ADAM12: variants seen among roughly 807,000 people sequenced by gnomAD.
ADAM12 encodes the protein disintegrin and metalloproteinase domain-containing protein 12.
ADAM12 carries 70 observed loss-of-function variants against 106.4 expected under a neutral mutation model. That is an observed-to-expected ratio of 0.66 (90% confidence interval 0.54 to 0.80). The LOEUF is 0.80. ADAM12 is among the 30% of genes least tolerant of loss of function. The pLI, the probability that ADAM12 is intolerant of heterozygous loss-of-function variation, is 0.00. For missense variants in ADAM12, 1,010 were observed against 1,171.9 expected, an observed-to-expected ratio of 0.86 and a Z score of 2.02; for synonymous variants, 420 against 433.5, an observed-to-expected ratio of 0.97 and a Z score of 0.39.
chr10:126,358,845 C>T (rs1228158165), intron 1 of ADAM12, among the ~76,000 whole-genome samples: 1 of 152,028 alleles, frequency 6.6e-6, no homozygotes, highest in Non-Finnish European at 1.5e-5. Context: ...TTTCTATATA[C>T]TAAAAAGAGA....
chr10:126,331,833 C>A (rs1854521321), intron 1 of ADAM12, among the ~76,000 whole-genome samples: 1 of 152,144 alleles, frequency 6.6e-6, no homozygotes, highest in Admixed American at 6.5e-5. Flanking sequence ...TCTGGCAGAG[C>A]AAGTGGAGGT....
intron 1 of ADAM12, among the ~76,000 whole-genome samples, chr10:126,373,703 G>A (rs1468398291): frequency 6.6e-6 from 1 of 152,206 alleles, no homozygotes; most frequent in East Asian, 1.9e-4. Context: ...AGTGGACTGA[G>A]TTGACACAGC....
At chr10:126,126,933 C>T (rs1956216038) in intron 5 of ADAM12, among the ~76,000 whole-genome samples, 2 of 152,086 alleles carry the variant, frequency 1.3e-5, no homozygotes, top group East Asian at 1.9e-4. Context: ...TAGATTGAGA[C>T]ATCCTGAGTT....
At chr10:126,238,462 G>C (rs1958462645) in intron 3 of ADAM12, among the ~76,000 whole-genome samples, 1 of 152,072 alleles carries the variant, frequency 6.6e-6, no homozygotes, top group South Asian at 2.1e-4. Flanking sequence ...TGGGAGATAA[G>C]AGCAAAACTC....
intron 1 of ADAM12, 123 bp downstream of exon 1, chr10:126,387,935 G>A: frequency 8.8e-7 from 1 of 1,140,496 alleles, no homozygotes; most frequent in Non-Finnish European, 1.1e-6. Flanking sequence ...CAAGCCCCGG[G>A]GCTCCGGAGA....
intron 3 of ADAM12, among the ~76,000 whole-genome samples, chr10:126,273,817 A>G (rs933755072): frequency 2.6e-5 from 4 of 152,212 alleles, no homozygotes; most frequent in African/African-American, 9.6e-5. Context: ...CTGATCATCA[A>G]AATTAACATG....
At chr10:126,135,511 C>G in intron 5 of ADAM12, 73 bp downstream of exon 5, 2 of 1,437,926 alleles carry the variant, frequency 1.4e-6, no homozygotes, top group African/African-American at 1.4e-5. Context: ...TGCTTTAGCA[C>G]GAGCAGGAAA....
At chr10:126,098,587 A>G in intron 9 of ADAM12, 87 bp from the exon 10 acceptor site, 1 of 1,119,502 alleles carries the variant, frequency 8.9e-7, no homozygotes, top group Non-Finnish European at 1.3e-6. Context: ...ATATTCCTGC[A>G]ATAAAATACG....
chr10:126,299,197 T>A (rs1960505925), intron 2 of ADAM12, among the ~76,000 whole-genome samples: 1 of 152,154 alleles, frequency 6.6e-6, no homozygotes, highest in South Asian at 2.1e-4. Flanking sequence ...ACAGCACATA[T>A]CCACTTTCAA....
At chr10:126,038,424 A>G (rs1377293272) in intron 19 of ADAM12, 75 bp from the exon 20 acceptor site, 1 of 1,181,028 alleles carries the variant, frequency 8.5e-7, no homozygotes, top group African/African-American at 1.6e-5. Flanking sequence ...CACTTTGCTC[A>G]TAGTGGCACT....
intron 3 of ADAM12, among the ~76,000 whole-genome samples, chr10:126,165,419 A>T (rs1017248350): frequency 6.6e-6 from 1 of 152,184 alleles, no homozygotes; most frequent in Non-Finnish European, 1.5e-5. Context: ...AGCCTCCCAA[A>T]GTGCTGGGAT....
intron 1 of ADAM12, among the ~76,000 whole-genome samples, chr10:126,365,254 C>T (rs1855871653): frequency 6.6e-6 from 1 of 152,174 alleles, no homozygotes; most frequent in African/African-American, 2.4e-5. Flanking sequence ...TCGTTTACTT[C>T]TGAACCTAAG....
At chr10:126,033,788 A>G (rs1163670021) in intron 21 of ADAM12, among the ~76,000 whole-genome samples, 1 of 152,198 alleles carries the variant, frequency 6.6e-6, no homozygotes, top group African/African-American at 2.4e-5. Flanking sequence ...TCTCATCACC[A>G]TGGAGTCCAG....
chr10:126,046,359 A>G (rs1954319121), intron 16 of ADAM12, among the ~76,000 whole-genome samples: 2 of 152,216 alleles, frequency 1.3e-5, no homozygotes, highest in East Asian at 1.9e-4. Flanking sequence ...ACTAAGTTCA[A>G]TGTCAACACT....
At chr10:126,083,830 G>A (rs1020472573) in intron 11 of ADAM12, among the ~76,000 whole-genome samples, 8 of 152,236 alleles carry the variant, frequency 5.3e-5, no homozygotes, top group African/African-American at 1.9e-4. Flanking sequence ...CAGGGACACA[G>A]CTCTGACCAC....
At chr10:126,108,733 T>C in intron 7 of ADAM12, 69 bp from the exon 8 acceptor site, 1 of 1,418,004 alleles carries the variant, frequency 7.1e-7, no homozygotes, top group Non-Finnish European at 1.0e-6. Context: ...TCCTGGCTTC[T>C]GGAAATGTGA....
At chr10:126,229,761 C>T (rs1404644928) in intron 3 of ADAM12, among the ~76,000 whole-genome samples, 1 of 152,072 alleles carries the variant, frequency 6.6e-6, no homozygotes, top group Non-Finnish European at 1.5e-5. Context: ...TGGGAACCCC[C>T]TTCGTGCTCT....
chr10:126,220,989 C>T (rs1404519991), intron 3 of ADAM12, among the ~76,000 whole-genome samples: 5 of 152,220 alleles, frequency 3.3e-5, no homozygotes, highest in African/African-American at 1.2e-4. Flanking sequence ...CGAAACAAAG[C>T]CTCTCCACAT....
intron 3 of ADAM12, among the ~76,000 whole-genome samples, chr10:126,277,770 G>T (rs1959340154): frequency 6.6e-6 from 1 of 152,044 alleles, no homozygotes; most frequent in African/African-American, 2.4e-5. Context: ...ATTTAATGGT[G>T]AGCAGTAAGA....
Sources: gnomAD v4.1 joint callset for allele counts (sites outside exome capture counted in the v4.1 genomes callset) on GRCh38, gnomAD v4.1.1 for gene constraint, MANE v1.5 for transcripts, NCBI Gene and HGNC (gene_info 2026-07-23, HGNC 2026-07-21) for gene names.